The following SDCCAG8 variants were observed in gnomAD, a reference collection of about 807,000 sequenced individuals.
SDCCAG8 encodes SHH signaling and ciliogenesis regulator SDCCAG8, also known as serologically defined colon cancer antigen 8.
Under a neutral mutation model 101.8 loss-of-function variants are expected in SDCCAG8, and 74 were observed. That is an observed-to-expected ratio of 0.73 (90% CI 0.60 to 0.88). The LOEUF is 0.88. Ranked by LOEUF, SDCCAG8 falls within the 40% of genes least tolerant of loss-of-function variation. SDCCAG8 has a pLI of 0.00. For synonymous variants in SDCCAG8, 281 were observed against 292.9 expected (o/e 0.96, Z 0.41); for missense variants, 787 against 822.6 (o/e 0.96, Z 0.53).
intron 13 of SDCCAG8, among the ~76,000 whole-genome samples, chr1:243,412,389 A>C (rs2080244853): frequency 6.6e-6 from 1 of 152,156 alleles, no homozygotes; most frequent in Non-Finnish European, 1.5e-5. Flanking sequence ...AGGAAAAAAC[A>C]AAAAGGCCCG....
intron 16 of SDCCAG8, among the ~76,000 whole-genome samples, chr1:243,445,357 G>T (rs1258101656): frequency 6.6e-6 from 1 of 152,158 alleles, no homozygotes; most frequent in Non-Finnish European, 1.5e-5. Flanking sequence ...ACTCGAATCC[G>T]TTTTCTGACA....
chr1:243,306,015 G>A (rs1351399881), intron 7 of SDCCAG8: 3 of 145,878 alleles, frequency 2.1e-5, no homozygotes, highest in Non-Finnish European at 4.5e-5. Context: ...GAACCCAGGA[G>A]ATAGAGGTTG....
At chr1:243,274,358 G>T (rs1332229957) in intron 3 of SDCCAG8, among the ~76,000 whole-genome samples, 185 bp from the exon 4 acceptor site, 1 of 152,156 alleles carries the variant, frequency 6.6e-6, no homozygotes, top group East Asian at 1.9e-4. Flanking sequence ...GTTTGTGGGG[G>T]ACAAGCATCC....
intron 12 of SDCCAG8, among the ~76,000 whole-genome samples, chr1:243,354,403 G>C (rs1422897041): frequency 6.6e-6 from 1 of 152,064 alleles, no homozygotes; most frequent in East Asian, 1.9e-4. Flanking sequence ...AGACATTTTC[G>C]TTATGATTGG....
At chr1:243,490,458 A>T (rs923107428) in intron 17 of SDCCAG8, among the ~76,000 whole-genome samples, 6 of 152,230 alleles carry the variant, frequency 3.9e-5, no homozygotes, top group African/African-American at 1.4e-4. Context: ...ATTCTGGACG[A>T]CACTACATTT....
chr1:243,495,278 A>G (rs990997644), intron 17 of SDCCAG8, among the ~76,000 whole-genome samples: 3 of 152,068 alleles, frequency 2.0e-5, no homozygotes, highest in Non-Finnish European at 2.9e-5. Flanking sequence ...GTCCAGCTCG[A>G]GATGCTGTCT....
chr1:243,324,267 G>T (rs567776215), intron 9 of SDCCAG8, among the ~76,000 whole-genome samples: 1 of 151,942 alleles, frequency 6.6e-6, no homozygotes, highest in Non-Finnish European at 1.5e-5. Flanking sequence ...TCAAACAAAG[G>T]CATCACCATC....
intron 4 of SDCCAG8, among the ~76,000 whole-genome samples, chr1:243,275,046 A>G (rs977038767): frequency 1.3e-5 from 2 of 152,154 alleles, no homozygotes; most frequent in African/African-American, 4.8e-5. Flanking sequence ...GGGATTCTAA[A>G]CTGGTAGACC....
intron 16 of SDCCAG8, among the ~76,000 whole-genome samples, chr1:243,467,066 C>T (rs182618979): frequency 2.6e-5 from 4 of 152,326 alleles, no homozygotes; most frequent in South Asian, 2.1e-4. Flanking sequence ...ACCTGGGGGG[C>T]ACCTTGTGCC....
At chr1:243,259,272 TG>T (rs989093519) in intron 1 of SDCCAG8, among the ~76,000 whole-genome samples, 1 of 150,128 alleles carries the variant, frequency 6.7e-6, no homozygotes, top group Non-Finnish European at 1.5e-5. Context: ...CCGGGCGTGG[TG>T]GCGGGCGCCT....
At chr1:243,274,736 T>A in intron 4 of SDCCAG8, 80 bp downstream of exon 4, 2 of 830,398 alleles carry the variant, frequency 2.4e-6, no homozygotes, top group Non-Finnish European at 4.0e-6. Flanking sequence ...TTTGCTGCTA[T>A]AAATCTTCAT....
intron 16 of SDCCAG8, among the ~76,000 whole-genome samples, chr1:243,486,449 C>G (rs1664863632): frequency 6.6e-6 from 1 of 152,132 alleles, no homozygotes; most frequent in African/African-American, 2.4e-5. Flanking sequence ...TCAGCGGGGT[C>G]TGGGTGGTGT....
intron 16 of SDCCAG8, among the ~76,000 whole-genome samples, chr1:243,453,001 C>T (rs2083478656): frequency 6.6e-6 from 1 of 152,194 alleles, no homozygotes. Context: ...TCACTGATTT[C>T]CTGCTGCCTA....
intron 9 of SDCCAG8, among the ~76,000 whole-genome samples, chr1:243,320,024 C>T (rs2802727): frequency 0.83 from 125,930 of 152,112 alleles, 52,348 homozygotes; most frequent in East Asian, 0.93. Context: ...CCCATTTAAA[C>T]ATAAATTTTA....
intron 13 of SDCCAG8, among the ~76,000 whole-genome samples, chr1:243,412,556 A>G (rs1034806226): frequency 6.6e-6 from 1 of 152,096 alleles, no homozygotes; most frequent in Admixed American, 6.5e-5. Flanking sequence ...TTAAAACATT[A>G]TGAGATTTTT....
chr1:243,292,343 A>G (rs2070354434), intron 5 of SDCCAG8, among the ~76,000 whole-genome samples: 1 of 152,192 alleles, frequency 6.6e-6, no homozygotes, highest in South Asian at 2.1e-4. Context: ...GGATACTCTT[A>G]TCACCATGGA....
chr1:243,334,136 C>T (rs1382986315), intron 10 of SDCCAG8, among the ~76,000 whole-genome samples: 1 of 152,120 alleles, frequency 6.6e-6, no homozygotes, highest in African/African-American at 2.4e-5. Context: ...AGACTTAAGC[C>T]CCTGAGCATT....
intron 1 of SDCCAG8, chr1:243,267,881 A>T: frequency 8.6e-7 from 1 of 1,157,478 alleles, no homozygotes; most frequent in East Asian, 2.3e-5. Flanking sequence ...TTTGGCTTTT[A>T]TGGAAAAGTT....
rs1003029505 is a variant in SDCCAG8, at chr1:243,293,118, A to G, written c.574A>G (p.Thr192Ala). The G allele has an allele frequency of 3.7e-6, 6 of 1,614,064 alleles. No homozygotes were observed. The highest frequency in any genetic ancestry group is 5.1e-6 in the Non-Finnish European group (6 of 1,180,034). The change falls in exon 6 of 18, where the codon ACA becomes GCA. Residue 192 changes from threonine (T) to alanine (A), a missense_variant. Coordinates refer to ENST00000366541, the MANE Select transcript of SDCCAG8 (RefSeq NM_006642.5). ...AAACATGCACAATTCTTGGATTACAACAGGTGAAGATTCTGGGGTGGGCGA... is the reference window on the plus strand; with the variant it reads ...AAACATGCACAATTCTTGGATTACAGCAGGTGAAGATTCTGGGGTGGGCGA... ...SGNMHNSWITTGEDSGVGETS... is the reference protein window; with the variant it reads ...SGNMHNSWITAGEDSGVGETS...
Sources: gnomAD v4.1 joint callset for allele counts (sites outside exome capture counted in the v4.1 genomes callset) on GRCh38, gnomAD v4.1.1 for gene constraint, MANE v1.5 for transcripts, NCBI Gene and HGNC (gene_info 2026-07-23, HGNC 2026-07-21) for gene names.